The following TLN1 variants were observed in gnomAD, a reference collection of about 807,000 sequenced individuals.
The protein encoded by TLN1 is talin 1, also known as talin-1.
Under a neutral mutation model 292.3 loss-of-function variants are expected in TLN1, and 56 were observed. That is an observed-to-expected ratio of 0.19 (90% CI 0.15 to 0.24). The LOEUF is 0.24. Among genes scored for constraint, TLN1 ranks in the 10% least tolerant of loss-of-function variants. TLN1 has a pLI of 1.00. For synonymous variants in TLN1, 1,119 were observed against 1,253.7 expected (o/e 0.89, Z 2.27); for missense variants, 2,433 against 3,248.2 (o/e 0.75, Z 6.10).
rs779798775 is a variant in TLN1 at position 35,714,647 on chromosome 9, C to T, written c.2912G>A (p.Arg971Gln). 27 of 1,613,744 alleles carry T rather than the reference C, an allele frequency of 1.7e-5. No individual in the cohort carries two copies. The highest frequency in any genetic ancestry group is 8.3e-5 in the Admixed American group (5 of 60,002). ...GCTGTCAGGCTGGGCTTGGCTTCCT[C>T]GGACGCCCTGCACCAGCAGTGGAAT... ...EQIPLLVQGV[R>Q]GSQAQPDSPS... is the part of the protein sequence containing the mutation. Residue 971 changes from arginine to glutamine, a missense_variant, in exon 23 of 57, where the codon CGA (arginine) becomes CAA (glutamine). Coordinates refer to ENST00000314888, the MANE Select transcript of TLN1 (RefSeq NM_006289.4). The surrounding 1 kb of genome is among the most constrained non-coding windows in gnomAD (Gnocchi z 4.6).
chr9:35,698,718 C>T lies in TLN1; in HGVS notation c.7126-39G>A. 1 of 1,614,122 alleles carries T rather than the reference C, an allele frequency of 6.2e-7. No individual in the cohort carries two copies. Among genetic ancestry groups the T allele is most frequent in the Non-Finnish European group, 8.5e-7 (1 of 1,180,028 alleles). On this transcript the variant is annotated intron_variant, in intron 53 of 56. Transcript: ENST00000314888. The surrounding 1 kb of genome is among the most constrained non-coding windows in gnomAD (Gnocchi z 5.3). ...AAGAGCCTACTTAGACCTGCATTTT[C>T]CTCACTTCAAAGACTCGCTGGCTAT... is the stretch of plus-strand genomic sequence containing the variant.
chr9:35,699,916 G>A lies in TLN1; in HGVS notation c.6768+58C>T. 1 of 1,527,538 alleles carries A rather than the reference G, an allele frequency of 6.5e-7. No homozygotes were observed. Among genetic ancestry groups the A allele is most frequent in the East Asian group, 2.3e-5 (1 of 43,902 alleles). The allele number at this position is 1,527,538 out of a possible 1,614,324, so 94.6% of individuals were successfully genotyped here. A position where few individuals can be genotyped will look rare whatever the true frequency, so the allele number is the denominator to read the frequency against. ...AGACAGCAGGGTGCGAGGCCTGCAG[G>A]AAGAGGGCTGTGTATTCAGGGAGGC... On this transcript the variant is annotated intron_variant, in intron 50 of 56. Transcript: ENST00000314888. This position sits in a 1 kb window ranked among gnomAD's most constrained non-coding sequence, Gnocchi z 4.0.
intron 48 of TLN1, among the ~76,000 whole-genome samples, chr9:35,703,107 C>T (rs1411885445): frequency 6.6e-6 from 1 of 152,058 alleles, no homozygotes; most frequent in Non-Finnish European, 1.5e-5. Context: ...TCGAGACCAG[C>T]CTGGTCAACA....
In TLN1 at chr9:35,714,021, C is replaced by T. The variant is rs747661964; in HGVS notation, c.3181G>A (p.Glu1061Lys). 5 of 1,614,182 alleles carry T rather than the reference C, an allele frequency of 3.1e-6. No individual in the cohort carries two copies. In the South Asian group the frequency reaches 5.5e-5, roughly 18 times the overall value. Reference protein sequence around the residue: ...DSALSVVQNLEKDLQEVKAAA... With the variant: ...DSALSVVQNLKKDLQEVKAAA... ...GCCTTCACTTCCTGTAGATCTTTCT[C>T]TAGATTCTGTACCACACTCAGTGCA... Residue 1061 changes from glutamate to lysine, a missense_variant, in exon 25 of 57, where the codon GAG (glutamate) becomes AAG (lysine). Around this residue, in one of 7 missense-constraint regions of TLN1, gnomAD observed 1,384 missense variants for 1,699.6 expected, o/e 0.81. Coordinates refer to ENST00000314888, the MANE Select transcript of TLN1 (RefSeq NM_006289.4). This position sits in a 1 kb window ranked among gnomAD's most constrained non-coding sequence, Gnocchi z 4.6.
intron 8 of TLN1, 81 bp from the exon 9 acceptor site, chr9:35,722,304 A>G: frequency 8.1e-7 from 1 of 1,232,956 alleles, no homozygotes; most frequent in Middle Eastern, 1.8e-4. Context: ...AACTCTAACG[A>G]GAGAGAATTA....
In TLN1 at chr9:35,706,712, G is replaced by C. The variant is rs1825571380; in HGVS notation, c.5088+56C>G. 8 of 1,596,316 alleles carry C rather than the reference G, an allele frequency of 5.0e-6. No individual in the cohort carries two copies. The highest frequency in any genetic ancestry group is 1.1e-5 in the South Asian group (1 of 88,742). ...CACTCCTTGATCCCCCAGCTTCTTT[G>C]AGTCTGATATTTCTCTTCCTAGACA... On this transcript the variant is annotated intron_variant, in intron 38 of 56. Transcript: ENST00000314888. The surrounding 1 kb of genome is among the most constrained non-coding windows in gnomAD (Gnocchi z 4.2).
rs748083903 is a variant in TLN1 at position 35,724,375 on chromosome 9, C to T, written c.512-41G>A. The T allele has an allele frequency of 1.2e-6, 2 of 1,611,660 alleles. No homozygotes were observed. The highest frequency in any genetic ancestry group is 1.7e-6 in the Non-Finnish European group (2 of 1,178,086). Reference sequence around the variant, plus strand: ...TCCCCTCAGTGCCAAACCCCCATGGCCCCTGTGCTGTCTGGTCTCTGTTTA... The same window carrying T: ...TCCCCTCAGTGCCAAACCCCCATGGTCCCTGTGCTGTCTGGTCTCTGTTTA... On this transcript the variant is annotated intron_variant, in intron 5 of 56. Transcript: ENST00000314888. The surrounding 1 kb of genome is among the most constrained non-coding windows in gnomAD (Gnocchi z 4.7).
chr9:35,713,545 G>A (rs555374612), intron 25 of TLN1, among the ~76,000 whole-genome samples: 67 of 152,112 alleles, frequency 4.4e-4, no homozygotes, highest in Non-Finnish European at 8.4e-4. Context: ...TTAGCCAGGC[G>A]TGGTGGTGCA....
At position 35,697,827 on chromosome 9, in the gene TLN1, G is replaced by A. The variant is rs767685331; in HGVS notation, c.7590C>T (p.Tyr2530=). 17 of 1,614,154 alleles carry A rather than the reference G, an allele frequency of 1.1e-5. No homozygotes were observed. Among genetic ancestry groups the A allele is most frequent in the Non-Finnish European group, 1.4e-5 (16 of 1,180,024 alleles). Residue 2530 remains tyrosine, a synonymous_variant, in exon 57 of 57, where the codon TAC becomes TAT. Coordinates refer to ENST00000314888, the MANE Select transcript of TLN1 (RefSeq NM_006289.4). ...KKLAQIRQQQ[Y]KFLPSELRDE... ...CTCGAAGCTCTGAAGGCAGAAACTT[G>A]TACTGCTGCTGCCGGATCTGGGCCA...
chr9:35,721,969 G>A, intron 9 of TLN1, 150 bp downstream of exon 9: 1 of 1,136,920 alleles, frequency 8.8e-7, no homozygotes, highest in Non-Finnish European at 1.3e-6. Flanking sequence ...CTGATGACAG[G>A]CAGGTTTTCA....
intron 25 of TLN1, 60 bp downstream of exon 25, chr9:35,713,893 G>A: frequency 1.2e-6 from 2 of 1,601,828 alleles, no homozygotes; most frequent in African/African-American, 2.7e-5. Context: ...CAGCTCTGGG[G>A]CACGGAGGTG....
Position 35,699,602 on chromosome 9 carries a change from C to T in TLN1, c.6769-141G>A, listed in dbSNP as rs1825427936. On this transcript the variant is annotated intron_variant, in intron 50 of 56. Coordinates refer to ENST00000314888, the MANE Select transcript of TLN1 (RefSeq NM_006289.4). The surrounding 1 kb of genome is among the most constrained non-coding windows in gnomAD (Gnocchi z 4.0). ...AGCCCTCAAACTCCACGCTGCCTAT[C>T]CAAGTACACATCATGCATCACACCT... 7.0e-7 allele frequency: 1 copy of T among 1,429,346 alleles called. No individual in the cohort carries two copies. Among genetic ancestry groups the T allele is most frequent in the African/African-American group, 1.4e-5 (1 of 69,720 alleles). The allele number at this position is 1,429,346 out of a possible 1,614,324, so 88.5% of individuals were successfully genotyped here.
At chr9:35,713,624 C>CA (rs1444856099) in intron 25 of TLN1, among the ~76,000 whole-genome samples, 11 of 151,784 alleles carry the variant, frequency 7.2e-5, no homozygotes, top group African/African-American at 2.7e-4. Context: ...GCAGAGGTTG[C>CA]AGTGAGCTGA....
intron 48 of TLN1, among the ~76,000 whole-genome samples, chr9:35,701,110 A>G (rs1339650734): frequency 6.6e-6 from 1 of 152,220 alleles, no homozygotes; most frequent in African/African-American, 2.4e-5. Flanking sequence ...TGGAAGGAGC[A>G]CAGTGTTCAA....
chr9:35,703,750 T>C, intron 47 of TLN1, 25 bp downstream of exon 47: 1 of 1,614,214 alleles, frequency 6.2e-7, no homozygotes, highest in Non-Finnish European at 8.5e-7. Flanking sequence ...GTGCCCCTCC[T>C]GATGTTGCTC....
rs529948617 is a variant in TLN1 at position 35,706,698 on chromosome 9, C to A, written c.5088+70G>T. 113 of 1,589,274 alleles carry A rather than the reference C, an allele frequency of 7.1e-5. No homozygotes were observed. The South Asian group carries it at 1.3e-3, about 18-fold the overall frequency. ...TGTCCCTAAGAAGCCACTCCTTGATCCCCCAGCTTCTTTGAGTCTGATATT... is the reference window on the plus strand; with the variant it reads ...TGTCCCTAAGAAGCCACTCCTTGATACCCCAGCTTCTTTGAGTCTGATATT... On this transcript the variant is annotated intron_variant, in intron 38 of 56. Transcript: ENST00000314888. The surrounding 1 kb of genome is among the most constrained non-coding windows in gnomAD (Gnocchi z 4.2).
Position 35,706,597 on chromosome 9 carries a change from A to C in TLN1, c.5089-46T>G. 1 of 1,603,216 alleles carries C rather than the reference A, an allele frequency of 6.2e-7. No homozygotes were observed. Among genetic ancestry groups the C allele is most frequent in the Non-Finnish European group, 8.5e-7 (1 of 1,171,470 alleles). ...AGCCCTGATGGTGACCTGCAATAGGACCCTCTGGCTACAAAGAACTGCTCT... is the reference window on the plus strand; with the variant it reads ...AGCCCTGATGGTGACCTGCAATAGGCCCCTCTGGCTACAAAGAACTGCTCT... On this transcript the variant is annotated intron_variant, in intron 38 of 56. Transcript: ENST00000314888. The surrounding 1 kb of genome is among the most constrained non-coding windows in gnomAD (Gnocchi z 4.2).
Position 35,721,796 on chromosome 9 carries a change from AT to A in TLN1, c.955del (p.Met319Ter). ...GVSFFLVKEK[M>X]KGKNKLVPRL... ...GGGCACTAGCTTGTTCTTCCCTTTC[AT>A]TTTTTCCTATGAGGCAGAGGTTGGT... is the stretch of plus-strand genomic sequence containing the variant. On this transcript the variant is annotated frameshift_variant, in exon 10 of 57. Transcript: ENST00000314888. LOFTEE classifies it high-confidence loss of function. The A allele has an allele frequency of 6.2e-7, 1 of 1,608,300 alleles. No homozygotes were observed. Among genetic ancestry groups the A allele is most frequent in the Non-Finnish European group, 8.5e-7 (1 of 1,175,232 alleles).
In TLN1 at chr9:35,724,025, C is replaced by T; in HGVS notation, c.709G>A (p.Glu237Lys). 6.2e-7 allele frequency: 1 copy of T among 1,614,016 alleles called. No individual in the cohort carries two copies. The highest frequency in any genetic ancestry group is 8.5e-7 in the Non-Finnish European group (1 of 1,179,932). The change falls in exon 7 of 57, where the codon GAG (glutamate) becomes AAG (lysine). Residue 237 changes from glutamate (E) to lysine (K), a missense_variant. By Grantham distance (56) the Glu-to-Lys change is moderately conservative. Transcript: ENST00000314888. The surrounding 1 kb of genome is among the most constrained non-coding windows in gnomAD (Gnocchi z 4.7). ...ATCTGGCATTGGAAGCCAGCAAACT[C>T]ACAGGCCTTGTCAAAGGAGACAGGG... ...SHPVSFDKAC[E>K]FAGFQCQIQF...
Sources: allele counts gnomAD v4.1 joint callset (sites outside exome capture counted in the v4.1 genomes callset), GRCh38; gene constraint gnomAD v4.1.1; regional missense constraint gnomAD v4.1.1; non-coding constraint Gnocchi (gnomAD v3.1); transcripts MANE v1.5; gene names NCBI Gene and HGNC (gene_info 2026-07-23, HGNC 2026-07-21).